Variants in TPSG1 observed in about 807,000 individuals in gnomAD.
TPSG1 encodes tryptase gamma 1, also known as tryptase gamma.
In TPSG1, 43 loss-of-function variants were observed where a neutral mutation model predicts 23.8. That is an observed-to-expected ratio of 1.81 (90% CI 1.42 to 2.33). TPSG1 has a LOEUF of 2.33. Among genes scored for constraint, TPSG1 ranks in the 30% most tolerant of loss-of-function variants. TPSG1 has a pLI of 0.00. For synonymous variants in TPSG1, 302 were observed against 201.3 expected, an observed-to-expected ratio of 1.50 and a Z score of -4.23; for missense variants, 623 against 438.6, an observed-to-expected ratio of 1.42 and a Z score of -3.75.
intron 1 of TPSG1, 45 bp downstream of exon 1, chr16:1,225,162 G>A (rs755085092): frequency 3.9e-6 from 6 of 1,549,962 alleles, no homozygotes; most frequent in Non-Finnish European, 5.2e-6. Context: ...GTCCAGGCAG[G>A]AAGCAGATGC....
intron 2 of TPSG1, 51 bp downstream of exon 2, chr16:1,224,551 C>T (rs767312132): frequency 1.2e-6 from 2 of 1,611,972 alleles, no homozygotes; most frequent in South Asian, 1.1e-5. Context: ...GGCCCTCCTG[C>T]CAGGCCTTGC....
Position 1,222,669 on chromosome 16 carries a change from C to G in TPSG1, c.494G>C (p.Gly165Ala). 1 of 1,571,464 alleles carries G rather than the reference C, an allele frequency of 6.4e-7. No individual in the cohort carries two copies. Residue 165 changes from glycine to alanine, a missense_variant, in exon 4 of 6, where the codon GGC becomes GCC. By Grantham distance (60) the Gly-to-Ala change is moderately conservative (BLOSUM62 0). Coordinates refer to ENST00000234798, the MANE Select transcript of TPSG1 (RefSeq NM_012467.4). ...CTCCTCACCTCCCTCCCGCGTATAG[C>G]CCCAGCCGGTCACCCAGCACCGGAT... ...PGIRCWVTGW[G>A]YTREGEPLPP...
At position 1,223,635 on chromosome 16, in the gene TPSG1, G is replaced by A; in HGVS notation, c.74-41C>T. 2.6e-6 allele frequency: 4 copies of A among 1,523,240 alleles called. No individual in the cohort carries two copies. In the South Asian group the frequency reaches 4.9e-5, roughly 19 times the overall value. 94.4% of individuals were successfully genotyped at this position (1,523,240 alleles called of 1,614,324 possible). On this transcript the variant is annotated intron_variant, in intron 2 of 5. Coordinates refer to ENST00000234798, the MANE Select transcript of TPSG1 (RefSeq NM_012467.4). The stretch of plus-strand genomic sequence containing the variant: ...AAGGGGTGCCTGGTGGGGATCCCAA[G>A]AAACCCACTGCACTTCCTCCATGAA...
chr16:1,222,689 C>A lies in TPSG1; in HGVS notation c.474G>T (p.Arg158=). Reference sequence around the variant, plus strand: ...TATAGCCCCAGCCGGTCACCCAGCACCGGATCCCAGGGCAGAAGTCATCTG... The same window carrying A: ...TATAGCCCCAGCCGGTCACCCAGCAACGGATCCCAGGGCAGAAGTCATCTG... ...EASDDFCPGI[R]CWVTGWGYTR... is the part of the protein sequence containing the mutation. Residue 158 remains arginine (R), a synonymous_variant, in exon 4 of 6, where the codon CGG becomes CGT. Coordinates refer to ENST00000234798, the MANE Select transcript of TPSG1 (RefSeq NM_012467.4). The A allele has an allele frequency of 6.3e-7, 1 of 1,589,796 alleles. No homozygotes were observed. The highest frequency in any genetic ancestry group is 8.6e-7 in the Non-Finnish European group (1 of 1,162,274).
Position 1,221,778 on chromosome 16 carries a change from A to G in TPSG1, c.*10T>C. ...TAACTTATTTAAGAAATGCACTTGGATTCCTGCCATCAGTCAGGGGCGGGG... is the reference window on the plus strand; with the variant it reads ...TAACTTATTTAAGAAATGCACTTGGGTTCCTGCCATCAGTCAGGGGCGGGG... On this transcript the variant is annotated 3_prime_UTR_variant, in exon 6 of 6. Coordinates refer to ENST00000234798, the MANE Select transcript of TPSG1 (RefSeq NM_012467.4). The G allele has an allele frequency of 4.4e-6, 7 of 1,590,682 alleles. No individual in the cohort carries two copies. Among genetic ancestry groups the G allele is most frequent in the Non-Finnish European group, 5.1e-6 (6 of 1,167,154 alleles).
At chr16:1,225,063 C>A in intron 1 of TPSG1, 144 bp downstream of exon 1, 4 of 893,890 alleles carry the variant, frequency 4.5e-6, no homozygotes, top group Non-Finnish European at 5.1e-6. Flanking sequence ...GGGGTGCAGT[C>A]TCTTCAGAGG....
chr16:1,222,842 C>A lies in TPSG1; in HGVS notation c.321G>T (p.Val107=). Reference sequence around the variant, plus strand: ...GGCTGGAGTGCAGGATGATCTGCCTCACGGTGGAGAAGTGGGGAGACAGAG... The same window carrying A: ...GGCTGGAGTGCAGGATGATCTGCCTAACGGTGGAGAAGTGGGGAGACAGAG... ...EITLSPHFST[V]RQIILHSSPS... is the part of the protein sequence containing the mutation. The change falls in exon 4 of 6, where the codon GTG becomes GTT. Residue 107 remains valine (V), a synonymous_variant. Coordinates refer to ENST00000234798, the MANE Select transcript of TPSG1 (RefSeq NM_012467.4). 6.2e-7 allele frequency: 1 copy of A among 1,611,482 alleles called. No homozygotes were observed. Among genetic ancestry groups the A allele is most frequent in the Non-Finnish European group, 8.5e-7 (1 of 1,179,500 alleles).
chr16:1,225,189 C>G lies in TPSG1; in HGVS notation c.46+18G>C. On this transcript the variant is annotated intron_variant, in intron 1 of 5. Coordinates refer to ENST00000234798, the MANE Select transcript of TPSG1 (RefSeq NM_012467.4). Reference sequence around the variant, plus strand: ...AGCAGATGCCCCCCCATCCCCACACCCAGGCCAGGTCACCCACCGGGCACA... The same window carrying G: ...AGCAGATGCCCCCCCATCCCCACACGCAGGCCAGGTCACCCACCGGGCACA... 1 of 1,568,616 alleles carries G rather than the reference C, an allele frequency of 6.4e-7. No individual in the cohort carries two copies. The highest frequency in any genetic ancestry group is 8.6e-7 in the Non-Finnish European group (1 of 1,157,056).
At chr16:1,224,930 T>TGGCACCCCCAACTCCCACC (rs2030065792) in intron 1 of TPSG1, among the ~76,000 whole-genome samples, 1 of 152,044 alleles carries the variant, frequency 6.6e-6, no homozygotes, top group Non-Finnish European at 1.5e-5. Context: ...CTGGGACTCC[T>TGGCACCCCCAACTCCCACC]GGCACCCCCA....
intron 2 of TPSG1, chr16:1,223,800 G>A (rs757367824): frequency 4.2e-5 from 25 of 599,600 alleles, no homozygotes; most frequent in East Asian, 6.5e-5. Flanking sequence ...GGCTCAGGTC[G>A]TCCTTTCTAA....
intron 1 of TPSG1, among the ~76,000 whole-genome samples, chr16:1,224,932 G>A (rs2141424651): frequency 6.6e-6 from 1 of 152,042 alleles, no homozygotes; most frequent in East Asian, 1.9e-4. Flanking sequence ...GGGACTCCTG[G>A]CACCCCCAAC....
chr16:1,222,939 TGA>T (rs771970897), intron 3 of TPSG1, 22 bp from the exon 4 acceptor site: 12 of 1,580,364 alleles, frequency 7.6e-6, no homozygotes, highest in East Asian at 2.3e-5. Context: ...GGTGGCTGGG[TGA>T]GAGGGGCCAG....
intron 2 of TPSG1, among the ~76,000 whole-genome samples, chr16:1,224,344 C>A (rs138563631): frequency 2.0e-5 from 3 of 152,076 alleles, no homozygotes; most frequent in Admixed American, 2.0e-4. Flanking sequence ...GGAGAAAGTT[C>A]GAGGAGGGCC....
At chr16:1,224,941 A>T (rs923309137) in intron 1 of TPSG1, among the ~76,000 whole-genome samples, 1 of 150,526 alleles carries the variant, frequency 6.6e-6, no homozygotes. Context: ...GGCACCCCCA[A>T]CTCCCACCCG....
Position 1,222,321 on chromosome 16 carries a change from T to A in TPSG1, c.532A>T (p.Ser178Cys), listed in dbSNP as rs773771740. Residue 178 changes from serine to cysteine, a missense_variant, in exon 5 of 6, where the codon AGC becomes TGC. Coordinates refer to ENST00000234798, the MANE Select transcript of TPSG1 (RefSeq NM_012467.4). The stretch of plus-strand genomic sequence containing the variant: ...ACGGAGACTTTCACCTCCCGCAGGC[T>A]GTACGGGGGTGGCAGAGGCTCTGGG... The part of the protein sequence containing the change: ...REGEPLPPPY[S>C]LREVKVSVVD... The A allele has an allele frequency of 1.6e-5, 25 of 1,601,018 alleles. No homozygotes were observed. Among genetic ancestry groups the A allele is most frequent in the Admixed American group, 5.1e-5 (3 of 59,328 alleles).
chr16:1,222,285 CTG>C lies in TPSG1; in HGVS notation c.566_567del (p.Thr189ArgfsTer55), dbSNP rs1970535005. On this transcript the variant is annotated frameshift_variant, in exon 5 of 6. Coordinates refer to ENST00000234798, the MANE Select transcript of TPSG1 (RefSeq NM_012467.4). LOFTEE classifies it high-confidence loss of function. Reference protein sequence around the residue: ...LREVKVSVVDTETCRRDYPGP... With the variant: ...LREVKVSVVDXETCRRDYPGP... ...CCGGGATAGTCCCGGCGGCAGGTCT[CTG>C]TGTCCACCACGGAGACTTTCACCTC... is the stretch of plus-strand genomic sequence containing the variant. 1.9e-6 allele frequency: 3 copies of C among 1,611,558 alleles called. No homozygotes were observed. The highest frequency in any genetic ancestry group is 2.2e-5 in the East Asian group (1 of 44,836).
At position 1,224,544 on chromosome 16, in the gene TPSG1, C is replaced by T. The variant is rs2030044154; in HGVS notation, c.73+58G>A. On this transcript the variant is annotated intron_variant, in intron 2 of 5. Coordinates refer to ENST00000234798, the MANE Select transcript of TPSG1 (RefSeq NM_012467.4). Reference sequence around the variant, plus strand: ...CAGGGAAGGAGAGGGTCACCGAGGCCCTCCTGCCAGGCCTTGCCTGCACCC... The same window carrying T: ...CAGGGAAGGAGAGGGTCACCGAGGCTCTCCTGCCAGGCCTTGCCTGCACCC... 3.7e-6 allele frequency: 6 copies of T among 1,609,970 alleles called. No homozygotes were observed. In the Admixed American group the frequency reaches 5.0e-5, roughly 13 times the overall value.
At position 1,222,688 on chromosome 16, in the gene TPSG1, A is replaced by G; in HGVS notation, c.475T>C (p.Cys159Arg). 1 of 1,589,186 alleles carries G rather than the reference A, an allele frequency of 6.3e-7. No homozygotes were observed. The highest frequency in any genetic ancestry group is 8.6e-7 in the Non-Finnish European group (1 of 1,161,876). ...ASDDFCPGIR[C>R]WVTGWGYTRE... is the part of the protein sequence containing the mutation. ...GTATAGCCCCAGCCGGTCACCCAGCACCGGATCCCAGGGCAGAAGTCATCT... is the reference window on the plus strand; with the variant it reads ...GTATAGCCCCAGCCGGTCACCCAGCGCCGGATCCCAGGGCAGAAGTCATCT... The change falls in exon 4 of 6, where the codon TGC (cysteine) becomes CGC (arginine). Residue 159 changes from cysteine to arginine, a missense_variant. Transcript: ENST00000234798.
In TPSG1 at chr16:1,223,597, A is replaced by G; in HGVS notation, c.74-3T>C. On this transcript the variant is annotated splice_polypyrimidine_tract_variant and splice_region_variant and intron_variant, in intron 2 of 5. Coordinates refer to ENST00000234798, the MANE Select transcript of TPSG1 (RefSeq NM_012467.4). ...CGAAACCTGCGGCCGGCCACACCCT[A>G]AGTCGAAGGAGGAAGGGGTGCCTGG... 6.5e-7 allele frequency: 1 copy of G among 1,536,676 alleles called. No individual in the cohort carries two copies. Among genetic ancestry groups the G allele is most frequent in the Non-Finnish European group, 8.7e-7 (1 of 1,144,688 alleles).
Sources: allele counts gnomAD v4.1 joint callset (sites outside exome capture counted in the v4.1 genomes callset), GRCh38; gene constraint gnomAD v4.1.1; transcripts MANE v1.5; gene names NCBI Gene and HGNC (gene_info 2026-07-23, HGNC 2026-07-21).